Variants in WDR17 observed in about 807,000 individuals in gnomAD.
WDR17 encodes WD repeat domain 17, also known as WD repeat-containing protein 17.
WDR17 carries 143 observed loss-of-function variants against 161.7 expected under a neutral mutation model. The ratio of observed to expected loss-of-function variants is 0.88; its 90% confidence interval spans 0.77 to 1.02. The LOEUF is 1.02. Ranked by LOEUF, WDR17 falls within the 50% of genes least tolerant of loss-of-function variation. The probability of loss-of-function intolerance (pLI) is 0.00; values close to 1 mark genes in which losing one functional copy is unlikely to be tolerated. For missense variants in WDR17, 1,469 were observed against 1,520.9 expected, an observed-to-expected ratio of 0.97 and a Z score of 0.57; for synonymous variants, 517 against 515.6, an observed-to-expected ratio of 1.00 and a Z score of -0.04.
intron 1 of WDR17, among the ~76,000 whole-genome samples, chr4:176,074,736 C>G (rs190970331): frequency 6.6e-6 from 1 of 151,272 alleles, no homozygotes; most frequent in Non-Finnish European, 1.5e-5. Context: ...ATTAAATACA[C>G]GAGCCCCTGT....
At chr4:176,080,247 G>A (rs1734567295) in intron 1 of WDR17, among the ~76,000 whole-genome samples, 1 of 151,490 alleles carries the variant, frequency 6.6e-6, no homozygotes, top group African/African-American at 2.4e-5. Flanking sequence ...AATCCATGTG[G>A]GGATGTTAAG....
chr4:176,118,101 C>G (rs1740926264), intron 3 of WDR17, among the ~76,000 whole-genome samples: 1 of 152,032 alleles, frequency 6.6e-6, no homozygotes, highest in South Asian at 2.1e-4. Context: ...AAAATTGTCA[C>G]CAACTTGAAA....
At position 176,110,353 on chromosome 4, in the gene WDR17, C is replaced by G. The variant is rs553628953; in HGVS notation, c.-6-1222C>G. Among the ~76,000 whole-genome samples, 236 of 152,072 alleles carry G rather than the reference C, an allele frequency of 1.6e-3. 1 individual carries two copies. Among genetic ancestry groups the G allele is most frequent in the Non-Finnish European group, 1.1e-3 (74 of 67,974 alleles). On this transcript the variant is annotated intron_variant, in intron 1 of 28. Coordinates refer to ENST00000508596, the MANE Select transcript of WDR17 (RefSeq NM_181265.4). ...AGACGGGGTTTCACCATGTTAGCCT[C>G]CTGACGTCGTGATCCGCCCTCTTCG... is the stretch of plus-strand genomic sequence containing the variant.
chr4:176,167,660 A>AAAAAACAAAC (rs1750043644), intron 22 of WDR17, among the ~76,000 whole-genome samples: 1 of 125,988 alleles, frequency 7.9e-6, no homozygotes, highest in African/African-American at 2.7e-5. Context: ...AAAAAAAAAA[A>AAAAAACAAAC]AAAAAAAAAA....
intron 1 of WDR17, among the ~76,000 whole-genome samples, chr4:176,067,592 T>C (rs1209001676): frequency 1.3e-5 from 2 of 152,250 alleles, no homozygotes; most frequent in African/African-American, 4.8e-5. Flanking sequence ...TTCTTCTTAT[T>C]TCTAATGATA....
At chr4:176,094,837 T>C (rs2126639146) in intron 1 of WDR17, among the ~76,000 whole-genome samples, 1 of 152,264 alleles carries the variant, frequency 6.6e-6, no homozygotes, top group African/African-American at 2.4e-5. Flanking sequence ...TAGAATATAA[T>C]GATAGTCATT....
At chr4:176,158,957 A>G (rs1316872075) in intron 18 of WDR17, among the ~76,000 whole-genome samples, 1 of 152,216 alleles carries the variant, frequency 6.6e-6, no homozygotes, top group East Asian at 1.9e-4. Flanking sequence ...CTAAACAGCT[A>G]TAACAAGAAA....
intron 19 of WDR17, among the ~76,000 whole-genome samples, 158 bp downstream of exon 19, chr4:176,160,284 A>C (rs1259389721): frequency 1.3e-5 from 2 of 152,152 alleles, no homozygotes; most frequent in Non-Finnish European, 2.9e-5. Context: ...ATTTGAGAAC[A>C]TACTATTTTC....
At position 176,080,037 on chromosome 4, in the gene WDR17, A is replaced by T. The variant is rs368768828; in HGVS notation, c.-7+13958A>T. Among the ~76,000 whole-genome samples, 63 of 152,190 alleles carry T rather than the reference A, an allele frequency of 4.1e-4. 1 individual carries two copies. In the South Asian group the frequency reaches 9.7e-3, roughly 24 times the overall value. ...TCAATTTTAAAGGCCCCACGTTTCA[A>T]TGCTGCCACATTGGGGATTAAGTTT... On this transcript the variant is annotated intron_variant, in intron 1 of 28. Transcript: ENST00000508596.
At chr4:176,111,778 CTTG>C in intron 2 of WDR17, 75 bp downstream of exon 2, 1 of 1,267,282 alleles carries the variant, frequency 7.9e-7, no homozygotes, top group Non-Finnish European at 1.0e-6. Flanking sequence ...ATTTTAAGTC[CTTG>C]TTACATGAAA....
intron 1 of WDR17, among the ~76,000 whole-genome samples, chr4:176,097,099 G>A (rs1352453593): frequency 6.6e-6 from 1 of 151,854 alleles, no homozygotes; most frequent in Non-Finnish European, 1.5e-5. Flanking sequence ...GGCAACATTT[G>A]CATAGTGTTT....
chr4:176,099,272 A>G (rs1198538552), intron 1 of WDR17, among the ~76,000 whole-genome samples: 1 of 152,186 alleles, frequency 6.6e-6, no homozygotes, highest in Non-Finnish European at 1.5e-5. Context: ...AAATGCAGTT[A>G]CAGAGAATTG....
Position 176,181,609 on chromosome 4 carries a change from G to T in WDR17, c.*2030G>T, listed in dbSNP as rs185582114. ...TATCTGTAACTCAAATTTTTCTTAG[G>T]TGAGGAGGATTATTAACTGGCACAT... On this transcript the variant is annotated 3_prime_UTR_variant, in exon 29 of 29. Transcript: ENST00000508596. 3.8e-3 allele frequency: 635 copies of T among 165,094 alleles called. 5 individuals carry two copies. Among genetic ancestry groups the T allele is most frequent in the African/African-American group, 0.014 (581 of 41,608 alleles). The allele number at this position is 165,094 out of a possible 1,614,324, so 10.2% of individuals were successfully genotyped here.
intron 1 of WDR17, among the ~76,000 whole-genome samples, chr4:176,085,498 C>T (rs73874918): frequency 0.058 from 8,838 of 152,140 alleles, 561 homozygotes; most frequent in African/African-American, 0.16. Flanking sequence ...TCAGGCTAAA[C>T]AGATTTTCTC....
chr4:176,119,763 T>G, intron 3 of WDR17, 104 bp from the exon 4 acceptor site: 3 of 1,035,204 alleles, frequency 2.9e-6, no homozygotes, highest in Non-Finnish European at 2.8e-6. Flanking sequence ...TAATGTATCT[T>G]AAAAATAATA....
chr4:176,163,437 G>C (rs889811206), intron 22 of WDR17, 144 bp downstream of exon 22: 1 of 1,017,814 alleles, frequency 9.8e-7, no homozygotes, highest in African/African-American at 1.6e-5. Context: ...AGGAAATAAT[G>C]ATATAACAAT....
intron 1 of WDR17, among the ~76,000 whole-genome samples, chr4:176,067,632 A>G (rs1340546194): frequency 2.6e-5 from 3 of 115,740 alleles, no homozygotes; most frequent in Admixed American, 1.6e-4. Context: ...TTTTTAAGTT[A>G]CCCATTAGTC....
chr4:176,077,254 T>C (rs1164597115), intron 1 of WDR17, among the ~76,000 whole-genome samples: 1 of 148,900 alleles, frequency 6.7e-6, no homozygotes, highest in African/African-American at 2.5e-5. Flanking sequence ...ATAGAAAAGG[T>C]ACATGATGGA....
At chr4:176,109,494 T>G (rs1253554332) in intron 1 of WDR17, among the ~76,000 whole-genome samples, 1 of 152,170 alleles carries the variant, frequency 6.6e-6, no homozygotes, top group Non-Finnish European at 1.5e-5. Flanking sequence ...TTATTTACTT[T>G]TTTTCCTAAA....
Sources: allele counts gnomAD v4.1 joint callset (sites outside exome capture counted in the v4.1 genomes callset), GRCh38; gene constraint gnomAD v4.1.1; transcripts MANE v1.5; gene names NCBI Gene and HGNC (gene_info 2026-07-23, HGNC 2026-07-21).